SRR: variants seen among roughly 807,000 people sequenced by gnomAD.
The protein encoded by SRR is serine racemase, also known as D-serine ammonia-lyase.
SRR carries 19 observed loss-of-function variants against 32.7 expected under a neutral mutation model. The ratio of observed to expected loss-of-function variants is 0.58; its 90% confidence interval spans 0.40 to 0.85. SRR has a LOEUF of 0.85. Among genes scored for constraint, SRR ranks in the 40% least tolerant of loss-of-function variants. The pLI is 0.00. For missense variants in SRR, 373 were observed against 404.7 expected (o/e 0.92, Z 0.67); for synonymous variants, 142 against 140.9 (o/e 1.01, Z -0.06).
Position 2,323,275 on chromosome 17 carries a change from G to A in SRR, c.734G>A (p.Gly245Asp), listed in dbSNP as rs750437545. The change falls in exon 7 of 8, where the codon GGC (glycine) becomes GAC (aspartate). Residue 245 changes from glycine (G) to aspartate (D), a missense_variant. Physicochemically the swap from Gly to Asp is moderately conservative, Grantham distance 94. Coordinates refer to ENST00000344595, the MANE Select transcript of SRR (RefSeq NM_021947.3). ...GCAGATGGTGTCAAATCCAGCATTG[G>A]CTTGAACACCTGGCCTATTATCAGG... ...TIADGVKSSI[G>D]LNTWPIIRDL... 7.2e-5 allele frequency: 116 copies of A among 1,614,012 alleles called. No homozygotes were observed. Among genetic ancestry groups the A allele is most frequent in the Non-Finnish European group, 9.3e-5 (110 of 1,180,002 alleles).
intron 3 of SRR, 51 bp downstream of exon 3, chr17:2,318,047 G>T (rs2075492044): frequency 6.6e-7 from 1 of 1,510,634 alleles, no homozygotes; most frequent in East Asian, 2.4e-5. Flanking sequence ...GAGTGGAAAA[G>T]TGCCCTTAAT....
chr17:2,315,394 T>C, intron 1 of SRR, 163 bp from the exon 2 acceptor site: 1 of 645,156 alleles, frequency 1.6e-6, no homozygotes, highest in Non-Finnish European at 2.4e-6. Flanking sequence ...GTTCAGCTTT[T>C]AAGTCAACTC....
At chr17:2,322,907 G>A (rs1201259608) in intron 6 of SRR, 1 of 485,272 alleles carries the variant, frequency 2.1e-6, no homozygotes, top group Admixed American at 3.3e-5. Context: ...TGGGATTACA[G>A]GGGTCTGCCA....
chr17:2,315,314 T>G (rs1597263228), intron 1 of SRR: 1 of 299,806 alleles, frequency 3.3e-6, no homozygotes, highest in Non-Finnish European at 6.1e-6. Context: ...GTGGTGTGGG[T>G]GGGGAGTGGG....
Position 2,317,826 on chromosome 17 carries a change from A to G in SRR, c.169-44A>G, listed in dbSNP as rs201586332. The stretch of plus-strand genomic sequence containing the variant: ...AGAAAAGCTCCTTGCTTTCCAAAAC[A>G]ATGTTTTAATCAAATATGTGAATTC... On this transcript the variant is annotated intron_variant, in intron 2 of 7. Coordinates refer to ENST00000344595, the MANE Select transcript of SRR (RefSeq NM_021947.3). 116 of 1,588,580 alleles carry G rather than the reference A, an allele frequency of 7.3e-5. No individual in the cohort carries two copies. The African/African-American group carries it at 1.5e-3, about 20-fold the overall frequency.
intron 1 of SRR, among the ~76,000 whole-genome samples, chr17:2,313,378 T>C (rs1398175842): frequency 1.5e-5 from 2 of 131,178 alleles, no homozygotes; most frequent in African/African-American, 5.9e-5. Context: ...TGCAGTGAGC[T>C]GAGATGGCGC....
Position 2,318,806 on chromosome 17 carries a change from C to T in SRR, c.296-20C>T, listed in dbSNP as rs755723480. On this transcript the variant is annotated intron_variant, in intron 3 of 7. Coordinates refer to ENST00000344595, the MANE Select transcript of SRR (RefSeq NM_021947.3). ...TATTCTAAATTCTCCTGACTTTTTC[C>T]TCTCGTTTTCCTCTCCCAGGAATTC... 1.3e-6 allele frequency: 2 copies of T among 1,588,314 alleles called. No homozygotes were observed. Among genetic ancestry groups the T allele is most frequent in the South Asian group, 1.1e-5 (1 of 90,478 alleles).
chr17:2,322,294 C>G (rs1228192815), intron 6 of SRR, among the ~76,000 whole-genome samples: 1 of 152,138 alleles, frequency 6.6e-6, no homozygotes, highest in African/African-American at 2.4e-5. Flanking sequence ...CCATCATAGT[C>G]TTTTCCCTGA....
chr17:2,304,004 G>A lies in SRR; in HGVS notation c.-18G>A. ...CGGAGGCTGGAGCTGGAGGCGCGGCGCCGGTGAGCTGAGGTGAGGCGAGGC... is the reference window on the plus strand; with the variant it reads ...CGGAGGCTGGAGCTGGAGGCGCGGCACCGGTGAGCTGAGGTGAGGCGAGGC... On this transcript the variant is annotated 5_prime_UTR_variant, in exon 1 of 8. Coordinates refer to ENST00000344595, the MANE Select transcript of SRR (RefSeq NM_021947.3). 1 of 316,812 alleles carries A rather than the reference G, an allele frequency of 3.2e-6. No individual in the cohort carries two copies. The highest frequency in any genetic ancestry group is 7.9e-5 in the South Asian group (1 of 12,600). 19.6% of individuals were successfully genotyped at this position (316,812 alleles called of 1,614,324 possible).
chr17:2,303,940 G>T, upstream of SRR: 1 of 395,350 alleles, frequency 2.5e-6, no homozygotes, highest in Non-Finnish European at 4.5e-6. Flanking sequence ...GGGGCGGGCG[G>T]GCGCTGCGCG....
chr17:2,307,520 T>G, intron 1 of SRR: 1 of 1,310,970 alleles, frequency 7.6e-7, no homozygotes, highest in Non-Finnish European at 1.1e-6. Context: ...GAAGCAATTT[T>G]GGAGGTGGAA....
chr17:2,309,050 G>A (rs2075415331), intron 1 of SRR, among the ~76,000 whole-genome samples: 2 of 151,618 alleles, frequency 1.3e-5, no homozygotes, highest in Admixed American at 6.6e-5. Context: ...TCCGGGAGGC[G>A]GAGGTTGCAG....
At chr17:2,306,577 C>T (rs4606747) in intron 1 of SRR, among the ~76,000 whole-genome samples, 82,793 of 151,040 alleles carry the variant, frequency 0.55, 23,916 homozygotes, top group East Asian at 0.69. Flanking sequence ...ACTAGCCGGG[C>T]GTGGTGGTGG....
intron 6 of SRR, among the ~76,000 whole-genome samples, chr17:2,322,076 C>T (rs992532396): frequency 3.3e-5 from 5 of 152,144 alleles, no homozygotes; most frequent in South Asian, 2.1e-4. Context: ...CCACTGCGCC[C>T]GGCCTATTTA....
At chr17:2,304,589 G>A (rs1048493741) in intron 1 of SRR, among the ~76,000 whole-genome samples, 3 of 151,714 alleles carry the variant, frequency 2.0e-5, no homozygotes, top group South Asian at 4.2e-4. Context: ...GGAATCGTGT[G>A]GAAGGAAGTA....
At chr17:2,317,205 GGGAAAAAA>G (rs2075481182) in intron 2 of SRR, among the ~76,000 whole-genome samples, 1 of 85,542 alleles carries the variant, frequency 1.2e-5, no homozygotes, top group Admixed American at 1.3e-4. Context: ...TCCATCTCGG[GGGAAAAAA>G]AAAAAAAAAA....
At chr17:2,323,561 A>T in intron 7 of SRR, 94 bp from the exon 8 acceptor site, 1 of 1,379,398 alleles carries the variant, frequency 7.2e-7, no homozygotes, top group Non-Finnish European at 1.0e-6. Context: ...AGTGATAAGA[A>T]AATTCAAACT....
intron 1 of SRR, chr17:2,307,603 G>A (rs1425262555): frequency 1.0e-6 from 1 of 979,968 alleles, no homozygotes; most frequent in Non-Finnish European, 1.6e-6. Flanking sequence ...AACTTTGGAG[G>A]CAGAAGCTCT....
upstream of SRR, chr17:2,303,731 G>A: frequency 1.3e-6 from 2 of 1,490,450 alleles, no homozygotes; most frequent in Non-Finnish European, 8.9e-7. Flanking sequence ...CTTCGCGGCT[G>A]CTGCTACAGC....
Sources: gnomAD v4.1 joint callset for allele counts (sites outside exome capture counted in the v4.1 genomes callset) on GRCh38, gnomAD v4.1.1 for gene constraint, MANE v1.5 for transcripts, NCBI Gene and HGNC (gene_info 2026-07-23, HGNC 2026-07-21) for gene names.